Variants in WASHC5 observed in about 807,000 individuals in gnomAD.
WASHC5 encodes WASH complex subunit 5.
In WASHC5, 101 loss-of-function variants were observed where a neutral mutation model predicts 150.4. That is an observed-to-expected ratio of 0.67 (90% CI 0.57 to 0.79). WASHC5 has a LOEUF of 0.79. WASHC5 is among the 30% of genes least tolerant of loss of function. The pLI is 0.00. For missense variants in WASHC5, 1,195 were observed against 1,396.3 expected, an observed-to-expected ratio of 0.86 and a Z score of 2.30; for synonymous variants, 467 against 491.2, an observed-to-expected ratio of 0.95 and a Z score of 0.65.
At chr8:125,087,828 A>G (rs1817466049) in intron 1 of WASHC5, among the ~76,000 whole-genome samples, 1 of 152,210 alleles carries the variant, frequency 6.6e-6, no homozygotes, top group Admixed American at 6.5e-5. Context: ...AGTGATTACA[A>G]AATACAGAAA....
intron 28 of WASHC5, 30 bp from the exon 29 acceptor site, chr8:125,024,703 G>GTTATA (rs1290718072): frequency 6.8e-7 from 1 of 1,480,396 alleles, no homozygotes; most frequent in East Asian, 2.3e-5. Flanking sequence ...AATTATTCAT[G>GTTATA]GTGTTATAGT....
At chr8:125,063,185 T>C (rs903166953) in intron 11 of WASHC5, among the ~76,000 whole-genome samples, 4 of 152,288 alleles carry the variant, frequency 2.6e-5, no homozygotes, top group South Asian at 2.1e-4. Context: ...AACTGACACA[T>C]TAGTTTTGCA....
intron 19 of WASHC5, among the ~76,000 whole-genome samples, chr8:125,048,442 G>C (rs1244445631): frequency 6.6e-6 from 1 of 152,220 alleles, no homozygotes; most frequent in Non-Finnish European, 1.5e-5. Context: ...CCAATAAGCT[G>C]TTCAACATCA....
intron 28 of WASHC5, 144 bp from the exon 29 acceptor site, chr8:125,024,817 C>T: frequency 1.5e-6 from 1 of 657,654 alleles, no homozygotes; most frequent in Non-Finnish European, 2.8e-6. Context: ...TTGAAACAGC[C>T]CCTTTCTGCT....
Position 125,032,344 on chromosome 8 carries a change from G to C in WASHC5, c.3232C>G (p.Leu1078Val), listed in dbSNP as rs763756132. The C allele has an allele frequency of 6.2e-6, 10 of 1,614,166 alleles. 1 individual carries two copies. The South Asian group carries it at 9.9e-5, about 16-fold the overall frequency. Reference protein sequence around the residue: ...TDPVDWPPLVLGLLTLLKQFH... With the variant: ...TDPVDWPPLVVGLLTLLKQFH... The stretch of plus-strand genomic sequence containing the variant: ...TGCTTCAGCAGAGTGAGCAGTCCCA[G>C]GACAAGTGGTGGCCAATCAACCGGG... The change falls in exon 27 of 29, where the codon CTG becomes GTG. Residue 1078 changes from leucine (L) to valine (V), a missense_variant. Coordinates refer to ENST00000318410, the MANE Select transcript of WASHC5 (RefSeq NM_014846.4).
chr8:125,037,371 C>T (rs1340472777), intron 25 of WASHC5, 38 bp from the exon 26 acceptor site: 2 of 1,152,496 alleles, frequency 1.7e-6, no homozygotes, highest in Admixed American at 3.4e-5. Flanking sequence ...ATGGTTAAAT[C>T]ACATTGCACA....
intron 10 of WASHC5, among the ~76,000 whole-genome samples, chr8:125,064,603 G>T (rs1424934644): frequency 6.6e-6 from 1 of 150,954 alleles, no homozygotes; most frequent in Non-Finnish European, 1.5e-5. Context: ...GTAACTCAGG[G>T]TTGGGTTTTT....
intron 5 of WASHC5, 92 bp from the exon 6 acceptor site, chr8:125,079,022 C>T: frequency 9.5e-7 from 1 of 1,056,378 alleles, no homozygotes; most frequent in Non-Finnish European, 1.5e-6. Context: ...TCTACTTTGA[C>T]TCAATATAGT....
At chr8:125,086,485 T>TA (rs2130234240) in intron 1 of WASHC5, among the ~76,000 whole-genome samples, 1 of 152,350 alleles carries the variant, frequency 6.6e-6, no homozygotes, top group East Asian at 1.9e-4. Flanking sequence ...CATACAAAGA[T>TA]ACCAGTCATA....
intron 17 of WASHC5, among the ~76,000 whole-genome samples, chr8:125,054,138 C>A (rs992600419): frequency 6.6e-6 from 1 of 152,156 alleles, no homozygotes; most frequent in Admixed American, 6.5e-5. Flanking sequence ...TGCTCAGAGA[C>A]GTTCATCATG....
intron 21 of WASHC5, 109 bp downstream of exon 21, chr8:125,044,427 G>A (rs935715051): frequency 8.2e-7 from 1 of 1,217,934 alleles, no homozygotes; most frequent in African/African-American, 1.5e-5. Context: ...TAAAGTCAGT[G>A]TAAGAAATCA....
At chr8:125,063,408 A>G in intron 11 of WASHC5, 114 bp downstream of exon 11, 1 of 1,160,676 alleles carries the variant, frequency 8.6e-7, no homozygotes, top group Non-Finnish European at 1.3e-6. Context: ...AAGATGGAAT[A>G]TCATAGGATA....
rs17852423 is a variant in WASHC5, at chr8:125,078,763, A to T, written c.686T>A (p.Leu229Gln). Residue 229 changes from leucine (L) to glutamine (Q), a missense_variant, in exon 6 of 29, where the codon CTG (leucine) becomes CAG (glutamine). By Grantham distance (113) the Leu-to-Gln change is moderately radical (BLOSUM62 -2). Transcript: ENST00000318410. ...ESFISMVIGR[L>Q]RSDDIYNQVS... The stretch of plus-strand genomic sequence containing the variant: ...CTGGTTGTAAATATCATCAGATCTC[A>T]GTCGACCAATGACCATACTGATGAA... 1.9e-6 allele frequency: 3 copies of T among 1,613,688 alleles called. No homozygotes were observed. Among genetic ancestry groups the T allele is most frequent in the Non-Finnish European group, 1.7e-6 (2 of 1,179,702 alleles).
intron 11 of WASHC5, among the ~76,000 whole-genome samples, chr8:125,062,048 C>T (rs1426775207): frequency 6.6e-6 from 1 of 151,950 alleles, no homozygotes; most frequent in East Asian, 1.9e-4. Context: ...GGTGGTCCCA[C>T]GTTATTAAAA....
At chr8:125,044,439 G>T (rs913174249) in intron 21 of WASHC5, 97 bp downstream of exon 21, 4 of 1,315,052 alleles carry the variant, frequency 3.0e-6, no homozygotes, top group South Asian at 2.4e-5. Flanking sequence ...AAGAAATCAT[G>T]GAAGAAAGGT....
intron 17 of WASHC5, among the ~76,000 whole-genome samples, chr8:125,052,378 C>T (rs977235412): frequency 6.6e-6 from 1 of 152,164 alleles, no homozygotes; most frequent in African/African-American, 2.4e-5. Flanking sequence ...ACCCCTTCCT[C>T]ACATTTCTAT....
intron 28 of WASHC5, 63 bp from the exon 29 acceptor site, chr8:125,024,736 AC>A: frequency 8.9e-7 from 1 of 1,124,602 alleles, no homozygotes; most frequent in Non-Finnish European, 1.4e-6. Flanking sequence ...AAATTTTCAT[AC>A]GTAAAAGAAA....
chr8:125,064,608 G>GT (rs900675844), intron 10 of WASHC5, among the ~76,000 whole-genome samples: 387 of 143,882 alleles, frequency 2.7e-3, no homozygotes, highest in East Asian at 0.014. Context: ...TCAGGGTTGG[G>GT]TTTTTTTTTT....
In WASHC5 at chr8:125,037,314, C is replaced by T. The variant is rs761500521; in HGVS notation, c.3104G>A (p.Arg1035His). The T allele has an allele frequency of 1.7e-5, 28 of 1,608,458 alleles. No individual in the cohort carries two copies. The highest frequency in any genetic ancestry group is 2.2e-5 in the East Asian group (1 of 44,770). ...GTTTACAATTGGAAAATAGGGTAAG[C>T]GCTTTGTTGTTATGTATATCTGGAA... ...PLNKIYITTK[R>H]LPYFPIVNFL... Residue 1035 changes from arginine (R) to histidine (H), a missense_variant, in exon 26 of 29, where the codon CGC (arginine) becomes CAC (histidine). Physicochemically the swap from Arg to His is conservative, Grantham distance 29. Transcript: ENST00000318410.
Sources: allele counts gnomAD v4.1 joint callset (sites outside exome capture counted in the v4.1 genomes callset), GRCh38; gene constraint gnomAD v4.1.1; transcripts MANE v1.5; gene names NCBI Gene and HGNC (gene_info 2026-07-23, HGNC 2026-07-21).